The following ERC1 variants were observed in gnomAD, a reference collection of about 807,000 sequenced individuals.
ERC1 encodes ELKS/RAB6-interacting/CAST family member 1, also known as RAB6 interacting protein 2.
A neutral mutation model predicts 132.0 loss-of-function variants in ERC1; 56 were observed. The observed-to-expected ratio is 0.42, with a 90% confidence interval of 0.34 to 0.53. The LOEUF (loss-of-function observed/expected upper bound fraction) is 0.53. Ranked by LOEUF, ERC1 falls within the 20% of genes least tolerant of loss-of-function variation. ERC1 has a pLI of 0.03. For missense variants in ERC1, 1,202 were observed against 1,349.9 expected, an observed-to-expected ratio of 0.89 and a Z score of 1.72; for synonymous variants, 478 against 476.1, an observed-to-expected ratio of 1.00 and a Z score of -0.05.
At chr12:1,162,387 G>A (rs2154261277) in intron 8 of ERC1, among the ~76,000 whole-genome samples, 1 of 152,190 alleles carries the variant, frequency 6.6e-6, no homozygotes, top group Admixed American at 6.5e-5. Context: ...AATGTAGCTT[G>A]GAGTTTAATT....
At chr12:1,072,768 C>T (rs1940637251) in intron 2 of ERC1, among the ~76,000 whole-genome samples, 2 of 152,218 alleles carry the variant, frequency 1.3e-5, no homozygotes. Context: ...TCTCGGCTCA[C>T]TGCAAGCTCT....
chr12:1,197,587 G>A (rs916698865), intron 12 of ERC1, among the ~76,000 whole-genome samples: 40 of 152,196 alleles, frequency 2.6e-4, no homozygotes, highest in African/African-American at 9.2e-4. Context: ...CTAGGGGCCA[G>A]TTTTTCTACA....
intron 17 of ERC1, among the ~76,000 whole-genome samples, chr12:1,419,091 C>G (rs1374025631): frequency 6.6e-6 from 1 of 151,806 alleles, no homozygotes; most frequent in African/African-American, 2.4e-5. Flanking sequence ...TCTTGCTAGT[C>G]TCTGTTATAG....
chr12:1,012,122 T>G (rs1161419572), intron 1 of ERC1, among the ~76,000 whole-genome samples: 1 of 152,190 alleles, frequency 6.6e-6, no homozygotes, highest in Non-Finnish European at 1.5e-5. Flanking sequence ...TTTCTCTACA[T>G]TTTGGATCAT....
chr12:1,370,476 T>A (rs1263713192), intron 15 of ERC1, among the ~76,000 whole-genome samples: 1 of 152,226 alleles, frequency 6.6e-6, no homozygotes, highest in Non-Finnish European at 1.5e-5. Context: ...GTTATTAAAG[T>A]CTGCAGTTTG....
chr12:1,204,863 C>A (rs1957216677), intron 12 of ERC1, among the ~76,000 whole-genome samples: 1 of 152,004 alleles, frequency 6.6e-6, no homozygotes, highest in South Asian at 2.1e-4. Flanking sequence ...GGGTAAAGTG[C>A]CGCAAAAATG....
At chr12:1,137,100 CT>C (rs944757047) in intron 7 of ERC1, among the ~76,000 whole-genome samples, 295 of 122,876 alleles carry the variant, frequency 2.4e-3, no homozygotes, top group African/African-American at 7.0e-3. Flanking sequence ...TTTTTCTTTT[CT>C]TTTTTTTTTT....
At chr12:1,376,382 G>A (rs564422018) in intron 16 of ERC1, among the ~76,000 whole-genome samples, 114 of 146,690 alleles carry the variant, frequency 7.8e-4, no homozygotes, top group Admixed American at 6.9e-3. Context: ...CATCTCACTC[G>A]CCTTCGAGTT....
intron 17 of ERC1, among the ~76,000 whole-genome samples, chr12:1,415,707 A>G (rs2092084454): frequency 6.6e-6 from 1 of 152,204 alleles, no homozygotes; most frequent in Non-Finnish European, 1.5e-5. Flanking sequence ...TGGTCCAAAA[A>G]CCAATTTGGG....
At chr12:1,000,206 C>G (rs990729199) in intron 1 of ERC1, among the ~76,000 whole-genome samples, 2 of 152,050 alleles carry the variant, frequency 1.3e-5, no homozygotes, top group African/African-American at 4.8e-5. Flanking sequence ...ATAATCAGGC[C>G]AGGCACAGTG....
At chr12:1,424,442 A>G (rs187166728) in intron 17 of ERC1, among the ~76,000 whole-genome samples, 1 of 152,298 alleles carries the variant, frequency 6.6e-6, no homozygotes, top group African/African-American at 2.4e-5. Flanking sequence ...GTACAATTCT[A>G]TTCTGTTCTT....
chr12:1,373,920 G>A (rs1370004756), intron 16 of ERC1, among the ~76,000 whole-genome samples: 2 of 152,214 alleles, frequency 1.3e-5, no homozygotes, highest in Non-Finnish European at 2.9e-5. Flanking sequence ...GATGTGTCCT[G>A]TATGAAGAGA....
intron 18 of ERC1, among the ~76,000 whole-genome samples, chr12:1,483,281 G>A (rs896295209): frequency 1.3e-5 from 2 of 152,152 alleles, no homozygotes; most frequent in African/African-American, 4.8e-5. Flanking sequence ...CTGAGCAACA[G>A]AATGAGACCC....
chr12:1,161,193 A>G (rs910512404), intron 8 of ERC1, among the ~76,000 whole-genome samples: 2 of 152,146 alleles, frequency 1.3e-5, no homozygotes, highest in Admixed American at 6.5e-5. Context: ...ATGGGAGGTT[A>G]GAAGGTTATG....
chr12:1,415,723 A>G (rs2092085821), intron 17 of ERC1, among the ~76,000 whole-genome samples: 1 of 152,210 alleles, frequency 6.6e-6, no homozygotes, highest in Non-Finnish European at 1.5e-5. Flanking sequence ...TTGGGCCAAT[A>G]TCAGGACTGA....
intron 15 of ERC1, among the ~76,000 whole-genome samples, chr12:1,308,240 AATGGT>A (rs1310996365): frequency 1.3e-5 from 2 of 151,720 alleles, no homozygotes; most frequent in African/African-American, 4.9e-5. Context: ...TATTTGCATG[AATGGT>A]AGCAGTTACT....
chr12:1,486,667 C>T (rs137910523), intron 18 of ERC1, among the ~76,000 whole-genome samples: 2,173 of 152,108 alleles, frequency 0.014, 58 homozygotes, highest in African/African-American at 0.05. Context: ...TCAAGGGATC[C>T]GCCCACCTCG....
chr12:1,472,542 C>A (rs146256528), intron 18 of ERC1, among the ~76,000 whole-genome samples: 2 of 151,552 alleles, frequency 1.3e-5, no homozygotes, highest in Non-Finnish European at 2.9e-5. Context: ...CCCAGCCACT[C>A]GGGAAGCTGA....
intron 12 of ERC1, among the ~76,000 whole-genome samples, chr12:1,194,201 A>G (rs1160241534): frequency 6.6e-6 from 1 of 152,166 alleles, no homozygotes; most frequent in Non-Finnish European, 1.5e-5. Context: ...CAGGCGGATC[A>G]CCTGAGGTCA....
Sources: gnomAD v4.1 joint callset for allele counts (sites outside exome capture counted in the v4.1 genomes callset) on GRCh38, gnomAD v4.1.1 for gene constraint, MANE v1.5 for transcripts, NCBI Gene and HGNC (gene_info 2026-07-23, HGNC 2026-07-21) for gene names.